RIMS1: variants seen among roughly 807,000 people sequenced by gnomAD.
RIMS1 encodes regulating synaptic membrane exocytosis protein 1.
RIMS1 carries 83 observed loss-of-function variants against 214.1 expected under a neutral mutation model. The ratio of observed to expected loss-of-function variants is 0.39; its 90% CI spans 0.32 to 0.47. The LOEUF is 0.47. Among genes scored for constraint, RIMS1 ranks in the 20% least tolerant of loss-of-function variants. The pLI is 0.99. For missense variants in RIMS1, 2,050 were observed against 2,161.8 expected, an observed-to-expected ratio of 0.95 and a Z score of 1.03; for synonymous variants, 793 against 786.8, an observed-to-expected ratio of 1.01 and a Z score of -0.13.
chr6:72,313,979 A>G (rs538852212), intron 28 of RIMS1, among the ~76,000 whole-genome samples: 2 of 152,270 alleles, frequency 1.3e-5, no homozygotes, highest in South Asian at 4.1e-4. Flanking sequence ...GACAGTAAAT[A>G]TTTCAGGCTT....
intron 6 of RIMS1, among the ~76,000 whole-genome samples, chr6:72,210,761 T>A (rs1168433001): frequency 6.6e-6 from 1 of 152,196 alleles, no homozygotes; most frequent in East Asian, 1.9e-4. Context: ...AAGCCTCGGT[T>A]TCCTCATCTG....
intron 22 of RIMS1, 25 bp downstream of exon 22, chr6:72,266,074 T>C (rs1276483148): frequency 6.7e-7 from 1 of 1,490,990 alleles, no homozygotes; most frequent in Non-Finnish European, 9.2e-7. Flanking sequence ...CTTTCTTAAT[T>C]TCTTATCATT....
chr6:72,281,643 C>CTGCCTTCT (rs1563503025), intron 23 of RIMS1, among the ~76,000 whole-genome samples: 2 of 152,056 alleles, frequency 1.3e-5, no homozygotes, highest in Non-Finnish European at 2.9e-5. Context: ...CTCTTGACCC[C>CTGCCTTCT]TGCCTTCTTA....
At position 72,124,787 on chromosome 6, in the gene RIMS1, C is replaced by T. The variant is rs538380998; in HGVS notation, c.471+24801C>T. On this transcript the variant is annotated intron_variant, in intron 4 of 33. Transcript: ENST00000521978. The stretch of plus-strand genomic sequence containing the variant: ...ATCCAATCGGCTACTGAAGCTTGTG[C>T]ATATATCACATAGTTCTCATGCCAT... Among the ~76,000 whole-genome samples, 8 of 152,206 alleles carry T rather than the reference C, an allele frequency of 5.3e-5. No homozygotes were observed. In the South Asian group the frequency reaches 1.5e-3, roughly 28 times the overall value.
intron 25 of RIMS1, 75 bp downstream of exon 25, chr6:72,290,936 A>G (rs2093300029): frequency 7.3e-7 from 1 of 1,364,732 alleles, no homozygotes; most frequent in South Asian, 1.3e-5. Context: ...CTTCCTGAGC[A>G]CTTGAAGCTT....
intron 2 of RIMS1, among the ~76,000 whole-genome samples, chr6:72,046,711 A>T (rs951988958): frequency 1.3e-5 from 2 of 152,116 alleles, no homozygotes; most frequent in African/African-American, 4.8e-5. Context: ...AAAACAAGGA[A>T]TTCCAGAAGA....
At chr6:72,261,109 C>A (rs2077781231) in intron 19 of RIMS1, 1 of 1,187,130 alleles carries the variant, frequency 8.4e-7, no homozygotes, top group Non-Finnish European at 1.1e-6. Flanking sequence ...ATATTCCTGT[C>A]TAGTCACAAG....
At chr6:72,114,093 G>GT (rs1477430559) in intron 4 of RIMS1, among the ~76,000 whole-genome samples, 2 of 152,020 alleles carry the variant, frequency 1.3e-5, no homozygotes, top group Non-Finnish European at 2.9e-5. Context: ...GAAACTCATT[G>GT]TTGAACTGTA....
At chr6:71,910,576 C>A (rs1776581509) in intron 1 of RIMS1, among the ~76,000 whole-genome samples, 1 of 152,152 alleles carries the variant, frequency 6.6e-6, no homozygotes, top group African/African-American at 2.4e-5. Context: ...CTACTCCCTT[C>A]ACTGTGTTCT....
intron 2 of RIMS1, among the ~76,000 whole-genome samples, chr6:72,095,141 T>C (rs2031039683): frequency 7.0e-6 from 1 of 142,692 alleles, no homozygotes; most frequent in Non-Finnish European, 1.5e-5. Flanking sequence ...TTTTTTGTAT[T>C]TTTAGTAGAG....
chr6:72,305,225 G>A lies in RIMS1; in HGVS notation c.3851-2033G>A, dbSNP rs539562336. Among the ~76,000 whole-genome samples, 26 of 152,136 alleles carry A rather than the reference G, an allele frequency of 1.7e-4. 1 individual carries two copies. In the South Asian group the frequency reaches 5.2e-3, roughly 30 times the overall value. On this transcript the variant is annotated intron_variant, in intron 26 of 33. Coordinates refer to ENST00000521978, the MANE Select transcript of RIMS1 (RefSeq NM_014989.7). The stretch of plus-strand genomic sequence containing the variant: ...AGGTTCAGTCCCTAGATCTGTGTCA[G>A]ACTGCTTCTGGCCAGTAGCTATTGG...
At chr6:72,011,211 A>G (rs1810450107) in intron 2 of RIMS1, among the ~76,000 whole-genome samples, 1 of 152,246 alleles carries the variant, frequency 6.6e-6, no homozygotes, top group Non-Finnish European at 1.5e-5. Flanking sequence ...CAAACCTGAC[A>G]AAAACAAGAA....
At chr6:72,389,733 A>G (rs1358332424) in intron 29 of RIMS1, among the ~76,000 whole-genome samples, 1 of 152,226 alleles carries the variant, frequency 6.6e-6, no homozygotes, top group Non-Finnish European at 1.5e-5. Flanking sequence ...TAGATGGAAT[A>G]AAGTCTAACA....
Position 71,999,021 on chromosome 6 carries a change from A to C in RIMS1, c.245+29958A>C, listed in dbSNP as rs901823933. On this transcript the variant is annotated intron_variant, in intron 2 of 33. Coordinates refer to ENST00000521978, the MANE Select transcript of RIMS1 (RefSeq NM_014989.7). The stretch of plus-strand genomic sequence containing the variant: ...TAGTTTTCTATGTAGGTCTTTTGCA[A>C]TTCAAGTTAGGATATTGTTATGATG... Among the ~76,000 whole-genome samples, 6 of 152,180 alleles carry C rather than the reference A, an allele frequency of 3.9e-5. No individual in the cohort carries two copies. In the East Asian group the frequency reaches 1.2e-3, roughly 29 times the overall value.
chr6:72,166,603 T>C (rs569125676), intron 4 of RIMS1, among the ~76,000 whole-genome samples: 2 of 152,210 alleles, frequency 1.3e-5, no homozygotes, highest in East Asian at 1.9e-4. Context: ...AGGTAGAGCA[T>C]AGTGGCTCAC....
chr6:72,011,568 G>A (rs971898492), intron 2 of RIMS1, among the ~76,000 whole-genome samples: 46 of 152,148 alleles, frequency 3.0e-4, no homozygotes, highest in African/African-American at 1.0e-3. Context: ...GAAAATTTTT[G>A]CAATCTACTC....
intron 4 of RIMS1, among the ~76,000 whole-genome samples, chr6:72,161,555 T>A (rs949257720): frequency 1.4e-5 from 2 of 140,330 alleles, no homozygotes; most frequent in African/African-American, 4.9e-5. Context: ...AAACACTGCT[T>A]TGAATGTGTC....
intron 1 of RIMS1, among the ~76,000 whole-genome samples, chr6:71,933,075 A>G (rs182235068): frequency 7.5e-4 from 115 of 152,320 alleles, no homozygotes; most frequent in Non-Finnish European, 1.4e-3. Flanking sequence ...TATCAAAGGC[A>G]TATCATCAGT....
intron 2 of RIMS1, among the ~76,000 whole-genome samples, chr6:72,033,203 C>T (rs920720401): frequency 1.3e-5 from 2 of 152,188 alleles, no homozygotes; most frequent in Admixed American, 6.5e-5. Flanking sequence ...AACAAAATCA[C>T]GGCTGCCTAG....
Sources: gnomAD v4.1 joint callset for allele counts (sites outside exome capture counted in the v4.1 genomes callset) on GRCh38, gnomAD v4.1.1 for gene constraint, MANE v1.5 for transcripts, NCBI Gene and HGNC (gene_info 2026-07-23, HGNC 2026-07-21) for gene names.